LRRC37A: variants seen among roughly 807,000 people sequenced by gnomAD.
The protein encoded by LRRC37A is leucine-rich repeat-containing protein 37A.
A neutral mutation model predicts 35.4 loss-of-function variants in LRRC37A; 3 were observed. The observed-to-expected ratio is 0.08, with a 90% CI of 0.04 to 0.22. The LOEUF is 0.22. LRRC37A is among the 10% of genes least tolerant of loss of function. The pLI is 1.00. For missense variants in LRRC37A, 67 were observed against 565.3 expected, an observed-to-expected ratio of 0.12 and a Z score of 8.94; for synonymous variants, 23 against 215.0, an observed-to-expected ratio of 0.11 and a Z score of 7.81.
chr17:46,280,762 C>T, the LRRC37A span, among the ~76,000 whole-genome samples: 15,776 of 147,198 alleles, frequency 0.11, no homozygotes, highest in Non-Finnish European at 0.16. Flanking sequence ...TTAGTAGGGA[C>T]GAGGTTTTGC....
At chr17:46,265,259 T>C in the LRRC37A span, among the ~76,000 whole-genome samples, 1 of 15,030 alleles carries the variant, frequency 6.7e-5, no homozygotes. Context: ...CTTCTTCTTC[T>C]TCTTCTTCTT....
the LRRC37A span, among the ~76,000 whole-genome samples, chr17:46,250,232 C>A: frequency 2.0e-5 from 3 of 152,362 alleles, no homozygotes; most frequent in Admixed American, 2.0e-4. Context: ...TGCCCAGCCA[C>A]CTCTGATAGT....
chr17:46,263,393 A>C, the LRRC37A span, among the ~76,000 whole-genome samples: 2 of 152,036 alleles, frequency 1.3e-5, no homozygotes, highest in Admixed American at 6.6e-5. Flanking sequence ...TCTACTAAAA[A>C]TACAAAAATT....
chr17:46,268,392 T>C, the LRRC37A span: 1 of 874,612 alleles, frequency 1.1e-6, no homozygotes, highest in Non-Finnish European at 1.5e-6. Context: ...CAGTTTCAAC[T>C]TGTGCAGCAA....
chr17:46,324,804 C>A (rs2051638637), intron 7 of LRRC37A, among the ~76,000 whole-genome samples: 1 of 75,982 alleles, frequency 1.3e-5, no homozygotes, highest in Non-Finnish European at 3.9e-5. Flanking sequence ...GGCACCACTG[C>A]ACTCCAGCTT....
At chr17:46,281,726 C>T in the LRRC37A span, among the ~76,000 whole-genome samples, 1 of 152,094 alleles carries the variant, frequency 6.6e-6, no homozygotes, top group Non-Finnish European at 1.5e-5. Context: ...ACACTGCAAC[C>T]TCTGCCTCCT....
chr17:46,258,932 A>T, the LRRC37A span, among the ~76,000 whole-genome samples: 1 of 143,222 alleles, frequency 7.0e-6, no homozygotes, highest in Non-Finnish European at 1.5e-5. Context: ...GTTAGCCTGG[A>T]TGGTCTCGAT....
At chr17:46,275,339 C>A in the LRRC37A span, 15 of 921,620 alleles carry the variant, frequency 1.6e-5, no homozygotes, top group Non-Finnish European at 2.4e-5. Context: ...GTTCAGGCAA[C>A]AAGATTCTTG....
At chr17:46,285,335 T>C in the LRRC37A span, among the ~76,000 whole-genome samples, 3 of 151,668 alleles carry the variant, frequency 2.0e-5, no homozygotes, top group Non-Finnish European at 4.4e-5. Flanking sequence ...CTGCTTCCTG[T>C]GTTCAAGCGA....
At chr17:46,268,952 C>T in the LRRC37A span, among the ~76,000 whole-genome samples, 1 of 152,204 alleles carries the variant, frequency 6.6e-6, no homozygotes, top group Non-Finnish European at 1.5e-5. Flanking sequence ...GATAACTGAC[C>T]TGTCTAGTTA....
chr17:46,255,604 A>T, the LRRC37A span, among the ~76,000 whole-genome samples: 1 of 151,378 alleles, frequency 6.6e-6, no homozygotes, highest in African/African-American at 2.4e-5. Flanking sequence ...GACCTCAGGT[A>T]ATCTGCTGAC....
upstream of LRRC37A, among the ~76,000 whole-genome samples, chr17:46,289,759 C>A (rs1443681006): frequency 5.9e-5 from 9 of 152,176 alleles, no homozygotes; most frequent in Non-Finnish European, 1.0e-4. Context: ...AATAACTTAG[C>A]CCACGTTTCC....
At chr17:46,280,589 T>TTTTTC in the LRRC37A span, among the ~76,000 whole-genome samples, 2 of 149,560 alleles carry the variant, frequency 1.3e-5, no homozygotes, top group South Asian at 2.1e-4. Context: ...TTTTTTTTTT[T>TTTTTC]CCTGAGCAGA....
the LRRC37A span, among the ~76,000 whole-genome samples, chr17:46,270,234 C>A: frequency 6.6e-6 from 1 of 152,196 alleles, no homozygotes; most frequent in Non-Finnish European, 1.5e-5. Flanking sequence ...GTCCATGGCA[C>A]CCAGTAGTAG....
chr17:46,257,827 A>AG, the LRRC37A span, among the ~76,000 whole-genome samples: 4 of 152,038 alleles, frequency 2.6e-5, no homozygotes, highest in Non-Finnish European at 5.9e-5. Flanking sequence ...TGTCAAAAAA[A>AG]AAAAAAATGA....
the LRRC37A span, among the ~76,000 whole-genome samples, chr17:46,258,219 C>CTTTTTTTTTTTT: frequency 1.4e-3 from 201 of 147,080 alleles, 1 homozygote; most frequent in Non-Finnish European, 2.3e-3. Flanking sequence ...GAAAGAGATT[C>CTTTTTTTTTTTT]TTTTTTTTTT....
chr17:46,255,106 G>A, the LRRC37A span, among the ~76,000 whole-genome samples: 1 of 152,114 alleles, frequency 6.6e-6, no homozygotes, highest in African/African-American at 2.4e-5. Context: ...AAAGTGCTGG[G>A]ATTATAGGTG....
chr17:46,277,045 G>C, the LRRC37A span, among the ~76,000 whole-genome samples: 1 of 152,150 alleles, frequency 6.6e-6, no homozygotes, highest in Non-Finnish European at 1.5e-5. Flanking sequence ...GCTCAAGTGA[G>C]CTGCCTGCCT....
At chr17:46,248,636 C>CA in the LRRC37A span, among the ~76,000 whole-genome samples, 2 of 152,142 alleles carry the variant, frequency 1.3e-5, no homozygotes, top group South Asian at 4.1e-4. Flanking sequence ...TCTCCTGCCT[C>CA]AGCCTCCTGA....
Sources: allele counts gnomAD v4.1 joint callset (sites outside exome capture counted in the v4.1 genomes callset), GRCh38; gene constraint gnomAD v4.1.1; transcripts MANE v1.5; gene names NCBI Gene and HGNC (gene_info 2026-07-23, HGNC 2026-07-21).